The following SLC25A18 variants were observed in gnomAD, a reference collection of about 807,000 sequenced individuals.
The protein encoded by SLC25A18 is solute carrier family 25 member 18.
Under a neutral mutation model 31.1 loss-of-function variants are expected in SLC25A18, and 24 were observed. The observed-to-expected ratio is 0.77, with a 90% confidence interval of 0.56 to 1.08. The LOEUF (loss-of-function observed/expected upper bound fraction) is 1.08. SLC25A18 is among the 50% of genes least tolerant of loss of function. The pLI is 0.00. For synonymous variants in SLC25A18, 173 were observed against 161.9 expected, an observed-to-expected ratio of 1.07 and a Z score of -0.52; for missense variants, 371 against 418.5, an observed-to-expected ratio of 0.89 and a Z score of 0.99.
intron 2 of SLC25A18, among the ~76,000 whole-genome samples, chr22:17,579,135 C>T (rs2057307507): frequency 1.3e-5 from 2 of 152,148 alleles, no homozygotes; most frequent in South Asian, 4.1e-4. Flanking sequence ...GTCGCCCAGG[C>T]TGGAGTGCAG....
rs1048199932 is a variant in SLC25A18 at position 17,579,887 on chromosome 22, C to T, written c.-58C>T. 3 of 1,585,968 alleles carry T rather than the reference C, an allele frequency of 1.9e-6. No homozygotes were observed. The highest frequency in any genetic ancestry group is 2.7e-5 in the African/African-American group (2 of 74,518). ...CACTTCTTCCCCCAGACAGCCCCAACAGCGGCTACCCCAAGGAGCCAGCAG... is the reference window on the plus strand; with the variant it reads ...CACTTCTTCCCCCAGACAGCCCCAATAGCGGCTACCCCAAGGAGCCAGCAG... On this transcript the variant is annotated 5_prime_UTR_variant, in exon 3 of 11. Coordinates refer to ENST00000327451, the MANE Select transcript of SLC25A18 (RefSeq NM_031481.3).
At chr22:17,573,896 T>C (rs1601284740) in intron 2 of SLC25A18, among the ~76,000 whole-genome samples, 1 of 152,326 alleles carries the variant, frequency 6.6e-6, no homozygotes, top group South Asian at 2.1e-4. Flanking sequence ...CAACCCATTC[T>C]TCCAGAATAA....
At chr22:17,580,808 A>G (rs1231382655) in intron 3 of SLC25A18, 7 of 1,290,510 alleles carry the variant, frequency 5.4e-6, no homozygotes, top group Non-Finnish European at 6.9e-6. Flanking sequence ...AAGCCCCTGC[A>G]GGTCCCAGCT....
chr22:17,568,075 G>C (rs1439977709), intron 1 of SLC25A18, among the ~76,000 whole-genome samples: 1 of 151,864 alleles, frequency 6.6e-6, no homozygotes, highest in Non-Finnish European at 1.5e-5. Flanking sequence ...CAAAGGCAGA[G>C]GAGAATAGGC....
At chr22:17,570,072 A>G in intron 2 of SLC25A18, 86 bp downstream of exon 2, 1 of 897,274 alleles carries the variant, frequency 1.1e-6, no homozygotes, top group African/African-American at 1.8e-5. Flanking sequence ...AAAGGGGAAG[A>G]GCAGCCAGTG....
At chr22:17,587,000 C>T in intron 7 of SLC25A18, 136 bp from the exon 8 acceptor site, 2 of 970,460 alleles carry the variant, frequency 2.1e-6, no homozygotes, top group Non-Finnish European at 3.1e-6. Flanking sequence ...AAAATTAGGA[C>T]ATTCTTCTGG....
At chr22:17,585,656 T>TATTA (rs1601338326) in intron 7 of SLC25A18, among the ~76,000 whole-genome samples, 1 of 136,618 alleles carries the variant, frequency 7.3e-6, no homozygotes, top group Non-Finnish European at 1.5e-5. Flanking sequence ...TATTATTTTT[T>TATTA]TTTTTTTTTT....
intron 2 of SLC25A18, among the ~76,000 whole-genome samples, chr22:17,577,177 C>T (rs374046441): frequency 1.3e-5 from 2 of 152,158 alleles, no homozygotes; most frequent in South Asian, 2.1e-4. Context: ...CGCCCACCAC[C>T]ACACCCGGCC....
chr22:17,581,334 T>A, intron 4 of SLC25A18, 24 bp from the exon 5 acceptor site: 1 of 1,613,686 alleles, frequency 6.2e-7, no homozygotes, highest in East Asian at 2.2e-5. Flanking sequence ...GCACACTTAC[T>A]CCTACTCTGG....
At chr22:17,569,525 G>T in intron 1 of SLC25A18, 1 of 785,506 alleles carries the variant, frequency 1.3e-6, no homozygotes, top group South Asian at 5.8e-5. Flanking sequence ...GCAGAGATTT[G>T]CTTCTGGCAC....
Position 17,587,238 on chromosome 22 carries a change from G to A in SLC25A18, c.512G>A (p.Trp171Ter). The A allele has an allele frequency of 6.2e-7, 1 of 1,614,066 alleles. No homozygotes were observed. Reference protein sequence around the residue: ...HRRPSATLIAWELLRTQGLAG... With the variant: ...HRRPSATLIA ...CGCCCCTCTGCCACCCTCATTGCCT[G>A]GGAGCTGCTCCGCACTCAGGGCCTG... Residue 171 changes from tryptophan (W) to a stop codon, truncating the protein, a stop_gained, in exon 8 of 11, where the codon TGG becomes TAG. Transcript: ENST00000327451. LOFTEE classifies it high-confidence loss of function.
At chr22:17,569,602 G>C in intron 1 of SLC25A18, 1 of 985,406 alleles carries the variant, frequency 1.0e-6, no homozygotes, top group Non-Finnish European at 1.2e-6. Context: ...CTGGCTTCCA[G>C]GTCTCTGAGT....
In SLC25A18 at chr22:17,581,345, C is replaced by G. The variant is rs761397749; in HGVS notation, c.144-13C>G. ...CGCTGCACACTTACTCCTACTCTGG[C>G]CTCTGCTTCCAGGATCGACTGCCTG... On this transcript the variant is annotated splice_polypyrimidine_tract_variant and intron_variant, in intron 4 of 10. Coordinates refer to ENST00000327451, the MANE Select transcript of SLC25A18 (RefSeq NM_031481.3). The G allele has an allele frequency of 1.2e-6, 2 of 1,613,936 alleles. No individual in the cohort carries two copies. Among genetic ancestry groups the G allele is most frequent in the East Asian group, 4.5e-5 (2 of 44,862 alleles).
Position 17,567,825 on chromosome 22 carries a change from C to G in SLC25A18, c.-263-2099C>G, listed in dbSNP as rs114179563. The stretch of plus-strand genomic sequence containing the variant: ...TGTAGGAATGCTTGTTCCTTGGTGC[C>G]GTAAAGAAATAGCACTTGAATATAA... On this transcript the variant is annotated intron_variant, in intron 1 of 10. Transcript: ENST00000327451. Among the ~76,000 whole-genome samples, 1,290 of 150,846 alleles carry G rather than the reference C, an allele frequency of 8.6e-3. 20 individuals carry two copies. The highest frequency in any genetic ancestry group is 0.03 in the African/African-American group (1,239 of 40,882).
intron 5 of SLC25A18, 71 bp from the exon 6 acceptor site, chr22:17,582,492 C>T: frequency 7.4e-7 from 1 of 1,353,066 alleles, no homozygotes; most frequent in Non-Finnish European, 1.0e-6. Context: ...CTGGCTAGGG[C>T]TGAAGGGCAG....
chr22:17,565,803 G>A (rs2056921790), intron 1 of SLC25A18, among the ~76,000 whole-genome samples: 1 of 152,130 alleles, frequency 6.6e-6, no homozygotes, highest in Non-Finnish European at 1.5e-5. Flanking sequence ...GGAGGTAGAG[G>A]TTTCAGTGAG....
rs115607537 is a variant in SLC25A18 at position 17,587,683 on chromosome 22, G to A, written c.576-242G>A. 2.0e-3 allele frequency among the ~76,000 whole-genome samples: 303 copies of A among 152,344 alleles called. 1 individual carries two copies. Among genetic ancestry groups the A allele is most frequent in the African/African-American group, 7.0e-3 (290 of 41,578 alleles). ...ATTTCCCGCCTCGGACTTGCCTCTG[G>A]CAGTCAAGAGGCTGCAGGTGCTGCA... On this transcript the variant is annotated intron_variant, in intron 8 of 10. Coordinates refer to ENST00000327451, the MANE Select transcript of SLC25A18 (RefSeq NM_031481.3).
intron 2 of SLC25A18, among the ~76,000 whole-genome samples, chr22:17,579,272 A>C (rs2057311071): frequency 6.6e-6 from 1 of 152,030 alleles, no homozygotes; most frequent in African/African-American, 2.4e-5. Context: ...TTTTTAGTAG[A>C]GATGGAGTTT....
intron 1 of SLC25A18, among the ~76,000 whole-genome samples, chr22:17,567,908 A>G (rs1482185977): frequency 6.6e-6 from 1 of 151,976 alleles, no homozygotes; most frequent in African/African-American, 2.4e-5. Context: ...TACACTTGCT[A>G]GCAGTTTTGT....
Sources: allele counts gnomAD v4.1 joint callset (sites outside exome capture counted in the v4.1 genomes callset), GRCh38; gene constraint gnomAD v4.1.1; transcripts MANE v1.5; gene names NCBI Gene and HGNC (gene_info 2026-07-23, HGNC 2026-07-21).